SASH1: variants seen among roughly 807,000 people sequenced by gnomAD.
The protein encoded by SASH1 is SAM and SH3 domain containing 1.
Under a neutral mutation model 125.2 loss-of-function variants are expected in SASH1, and 44 were observed. That is an observed-to-expected ratio of 0.35 (90% confidence interval 0.28 to 0.45). The LOEUF (loss-of-function observed/expected upper bound fraction) is 0.45. Among genes scored for constraint, SASH1 ranks in the 20% least tolerant of loss-of-function variants. The pLI, the probability that SASH1 is intolerant of heterozygous loss-of-function variation, is 1.00. For missense variants in SASH1, 1,426 were observed against 1,614.5 expected, an observed-to-expected ratio of 0.88 and a Z score of 2.00; for synonymous variants, 639 against 649.1, an observed-to-expected ratio of 0.98 and a Z score of 0.24.
the SASH1 span, among the ~76,000 whole-genome samples, chr6:148,220,403 G>A: frequency 6.6e-6 from 1 of 152,100 alleles, no homozygotes; most frequent in Non-Finnish European, 1.5e-5. Context: ...CATAAGGGTG[G>A]ACTTAATCAT....
chr6:148,358,727 G>GGTTTTTTT (rs1239319632), intron 1 of SASH1, among the ~76,000 whole-genome samples: 5 of 98,794 alleles, frequency 5.1e-5, no homozygotes, highest in Admixed American at 1.0e-4. Flanking sequence ...CTAATGCCAT[G>GGTTTTTTT]TTTTTGTTTT....
chr6:148,212,979 TCTC>T, the SASH1 span, among the ~76,000 whole-genome samples: 2 of 152,062 alleles, frequency 1.3e-5, no homozygotes, highest in African/African-American at 2.4e-5. Flanking sequence ...TCACTAAGCT[TCTC>T]CTGGTAAGAA....
chr6:148,436,504 CAAAAAT>C (rs10696075), intron 2 of SASH1, among the ~76,000 whole-genome samples: 3 of 150,062 alleles, frequency 2.0e-5, no homozygotes, highest in South Asian at 4.3e-4. Context: ...GACCTTGTCT[CAAAAAT>C]AAAAATAAAA....
intron 1 of SASH1, among the ~76,000 whole-genome samples, chr6:148,291,869 G>C (rs990972382): frequency 1.3e-5 from 2 of 152,092 alleles, no homozygotes; most frequent in Non-Finnish European, 1.5e-5. Context: ...GCGGGTACTG[G>C]GGATAAGGTT....
Position 148,519,136 on chromosome 6 carries a change from A to G in SASH1, c.863-411A>G, listed in dbSNP as rs1284025859. 1.3e-5 allele frequency among the ~76,000 whole-genome samples: 2 copies of G among 152,250 alleles called. No individual in the cohort carries two copies. The highest frequency in any genetic ancestry group is 2.9e-5 in the Non-Finnish European group (2 of 68,046). ...ACATTTATCACACTCCAACTATAAA[A>G]AGCGACCAGAGCCAACATAAAGGAG... On this transcript the variant is annotated intron_variant, in intron 9 of 19. Transcript: ENST00000367467. The surrounding 1 kb of genome is among the most constrained non-coding windows in gnomAD (Gnocchi z 4.8).
At chr6:148,393,241 G>A (rs574458028) in intron 2 of SASH1, among the ~76,000 whole-genome samples, 6 of 133,282 alleles carry the variant, frequency 4.5e-5, no homozygotes, top group Non-Finnish European at 9.5e-5. Flanking sequence ...TTTTTTTTTA[G>A]CAGAGACAGG....
chr6:148,249,496 G>A, the SASH1 span, among the ~76,000 whole-genome samples: 2 of 152,178 alleles, frequency 1.3e-5, 1 homozygote, highest in African/African-American at 4.8e-5. Context: ...AGGGTACCAA[G>A]GTACACTGAG....
chr6:148,285,697 GA>G (rs1779464168), intron 1 of SASH1, among the ~76,000 whole-genome samples: 1 of 152,130 alleles, frequency 6.6e-6, no homozygotes, highest in Admixed American at 6.5e-5. Context: ...CTTTTCAAGT[GA>G]AAAGTGAAAT....
At chr6:148,235,825 G>A in the SASH1 span, among the ~76,000 whole-genome samples, 22 of 152,226 alleles carry the variant, frequency 1.4e-4, no homozygotes, top group Non-Finnish European at 2.1e-4. Context: ...CTAGTTACAC[G>A]TTATTTCTAG....
At chr6:148,196,086 C>T in the SASH1 span, among the ~76,000 whole-genome samples, 1 of 152,154 alleles carries the variant, frequency 6.6e-6, no homozygotes. Context: ...CAGCCTTCTC[C>T]ACCAGGAGGA....
chr6:148,351,385 G>A (rs910306018), intron 1 of SASH1, among the ~76,000 whole-genome samples: 1 of 151,898 alleles, frequency 6.6e-6, no homozygotes, highest in Non-Finnish European at 1.5e-5. Flanking sequence ...TTCTCCTTGG[G>A]TGTCTGATGC....
intron 1 of SASH1, among the ~76,000 whole-genome samples, chr6:148,311,099 T>C (rs149839235): frequency 0.12 from 17,629 of 143,852 alleles, 1,088 homozygotes; most frequent in Non-Finnish European, 0.13. Flanking sequence ...CTTTTCTTTT[T>C]TTTTTTCTTT....
At chr6:148,332,201 A>G (rs1781015056) in intron 1 of SASH1, among the ~76,000 whole-genome samples, 1 of 149,912 alleles carries the variant, frequency 6.7e-6, no homozygotes, top group African/African-American at 2.5e-5. Context: ...TTGTGGGGGA[A>G]AAAAAAAATG....
At chr6:148,255,240 T>C in the SASH1 span, among the ~76,000 whole-genome samples, 1 of 152,134 alleles carries the variant, frequency 6.6e-6, no homozygotes, top group African/African-American at 2.4e-5. Flanking sequence ...AAGACCAAGG[T>C]GTTGGTAGCC....
At chr6:148,348,862 CCCCACGGTCGCTGAGTATATA>C (rs1781603160) in intron 1 of SASH1, among the ~76,000 whole-genome samples, 1 of 152,234 alleles carries the variant, frequency 6.6e-6, no homozygotes, top group South Asian at 2.1e-4. Flanking sequence ...AAAGCCTCAG[CCCCACGGTCGCTGAGTATATA>C]CCCAACCTCA....
intron 2 of SASH1, among the ~76,000 whole-genome samples, chr6:148,400,087 A>G (rs1784114015): frequency 6.6e-6 from 1 of 152,250 alleles, no homozygotes. Flanking sequence ...ACAAAATGTA[A>G]AGGAGTGCAG....
At chr6:148,196,671 C>T in the SASH1 span, among the ~76,000 whole-genome samples, 20 of 152,262 alleles carry the variant, frequency 1.3e-4, no homozygotes, top group East Asian at 2.3e-3. Context: ...AGGAAGAAGA[C>T]GTGATCTTGA....
At chr6:148,350,389 AG>A (rs1036145938) in intron 1 of SASH1, among the ~76,000 whole-genome samples, 1 of 152,224 alleles carries the variant, frequency 6.6e-6, no homozygotes. Context: ...GTTCCTTAAA[AG>A]GGGGAATTAT....
At chr6:148,273,739 C>T (rs1466109675) in intron 1 of SASH1, among the ~76,000 whole-genome samples, 5 of 152,240 alleles carry the variant, frequency 3.3e-5, no homozygotes, top group African/African-American at 1.2e-4. Context: ...CTCTCCTGCC[C>T]CTTCTCTGCT....
Sources: gnomAD v4.1 joint callset for allele counts (sites outside exome capture counted in the v4.1 genomes callset) on GRCh38, gnomAD v4.1.1 for gene constraint, Gnocchi (gnomAD v3.1) non-coding constraint, MANE v1.5 for transcripts, NCBI Gene and HGNC (gene_info 2026-07-23, HGNC 2026-07-21) for gene names.